ELAVL2: variants seen among roughly 807,000 people sequenced by gnomAD.
The protein encoded by ELAVL2 is ELAV-like protein 2.
ELAVL2 carries 4 observed loss-of-function variants against 34.6 expected under a neutral mutation model. That is an observed-to-expected ratio of 0.12 (90% CI 0.06 to 0.26). The LOEUF (loss-of-function observed/expected upper bound fraction) is 0.26, where lower values mean the gene tolerates loss of function less well. Among genes scored for constraint, ELAVL2 ranks in the 10% least tolerant of loss-of-function variants. The pLI is 1.00. For synonymous variants in ELAVL2, 193 were observed against 154.8 expected, an observed-to-expected ratio of 1.25 and a Z score of -1.83; for missense variants, 432 against 442.8, an observed-to-expected ratio of 0.98 and a Z score of 0.22.
intron 1 of ELAVL2, among the ~76,000 whole-genome samples, chr9:23,808,116 T>A (rs970705084): frequency 6.6e-6 from 1 of 152,128 alleles, no homozygotes; most frequent in Non-Finnish European, 1.5e-5. Context: ...CCTCTGTCTA[T>A]CCTTATGCCT....
chr9:23,702,967 A>ACAACAAC (rs1386551389), intron 4 of ELAVL2, among the ~76,000 whole-genome samples: 1 of 143,550 alleles, frequency 7.0e-6, no homozygotes, highest in Admixed American at 6.9e-5. Context: ...AAAAAAAAAA[A>ACAACAAC]AAAAAAAAAA....
intron 2 of ELAVL2, among the ~76,000 whole-genome samples, chr9:23,753,772 C>G (rs911987458): frequency 1.3e-5 from 2 of 152,150 alleles, no homozygotes; most frequent in Admixed American, 1.3e-4. Flanking sequence ...TAAACAAAGA[C>G]TACCCCCCAG....
intron 1 of ELAVL2, among the ~76,000 whole-genome samples, chr9:23,814,938 C>G (rs898874946): frequency 6.6e-6 from 1 of 151,190 alleles, no homozygotes; most frequent in African/African-American, 2.4e-5. Flanking sequence ...CTGATATACA[C>G]AAATGATGCC....
intron 1 of ELAVL2, among the ~76,000 whole-genome samples, chr9:23,797,314 TATC>T (rs1314700383): frequency 1.3e-5 from 2 of 152,222 alleles, no homozygotes; most frequent in African/African-American, 4.8e-5. Context: ...GCTTTCTAAA[TATC>T]ATTAAACTGA....
At chr9:23,799,821 C>A (rs1302107943) in intron 1 of ELAVL2, among the ~76,000 whole-genome samples, 1 of 152,158 alleles carries the variant, frequency 6.6e-6, no homozygotes, top group East Asian at 1.9e-4. Flanking sequence ...CCTGAAAGGG[C>A]TCTATTTACC....
At chr9:23,764,896 G>A (rs746715712) in intron 1 of ELAVL2, 8 of 1,090,696 alleles carry the variant, frequency 7.3e-6, no homozygotes, top group South Asian at 2.8e-5. Flanking sequence ...TAGGTTAAAT[G>A]TAAGAATAAT....
the ELAVL2 span, among the ~76,000 whole-genome samples, chr9:23,842,220 CA>C: frequency 6.6e-6 from 1 of 152,154 alleles, no homozygotes; most frequent in East Asian, 1.9e-4. Context: ...TGCATTCTCA[CA>C]GCTGGAAGCT....
intron 3 of ELAVL2, among the ~76,000 whole-genome samples, chr9:23,713,558 C>T (rs889580134): frequency 1.3e-5 from 2 of 152,082 alleles, no homozygotes; most frequent in Non-Finnish European, 2.9e-5. Context: ...GAGTCTATTC[C>T]TACCGGTAGC....
At chr9:23,744,212 A>G (rs564610161) in intron 2 of ELAVL2, among the ~76,000 whole-genome samples, 18 of 152,280 alleles carry the variant, frequency 1.2e-4, no homozygotes, top group African/African-American at 4.3e-4. Flanking sequence ...CTCCACCTTA[A>G]GTTTCACAAA....
intron 1 of ELAVL2, among the ~76,000 whole-genome samples, chr9:23,768,203 A>G (rs889629269): frequency 2.0e-5 from 3 of 152,190 alleles, no homozygotes; most frequent in Non-Finnish European, 4.4e-5. Context: ...CAGCCCACTT[A>G]TTCAAGCACC....
intron 1 of ELAVL2, among the ~76,000 whole-genome samples, chr9:23,783,700 T>C (rs1451163670): frequency 6.6e-6 from 1 of 151,970 alleles, no homozygotes; most frequent in Non-Finnish European, 1.5e-5. Context: ...TCCCACTTAC[T>C]GTCTAAGCAA....
chr9:23,776,739 CAAAAAAAAAAAA>C (rs34583759), intron 1 of ELAVL2, among the ~76,000 whole-genome samples: 3 of 77,708 alleles, frequency 3.9e-5, no homozygotes, highest in South Asian at 4.8e-4. Context: ...AGTTTGCTAT[CAAAAAAAAAAAA>C]AAAAAAAAAA....
At chr9:23,728,503 A>G (rs1444038564) in intron 3 of ELAVL2, among the ~76,000 whole-genome samples, 2 of 152,114 alleles carry the variant, frequency 1.3e-5, no homozygotes, top group Non-Finnish European at 2.9e-5. Flanking sequence ...CAGCCAGATG[A>G]TAGGGTAAAA....
chr9:23,699,837 T>A (rs1308740792), intron 5 of ELAVL2, among the ~76,000 whole-genome samples: 2 of 71,904 alleles, frequency 2.8e-5, no homozygotes, highest in African/African-American at 1.1e-4. Context: ...TTTTTTTTTT[T>A]TTTTTTTTTT....
At position 23,739,786 on chromosome 9, in the gene ELAVL2, C is replaced by T. The variant is rs957663861; in HGVS notation, c.230-8661G>A. ...AAACATGCACTCTTGCCTGTGCCTGCACACACACACGCACACACCCCCCCC... is the reference window on the plus strand; with the variant it reads ...AAACATGCACTCTTGCCTGTGCCTGTACACACACACGCACACACCCCCCCC... On this transcript the variant is annotated intron_variant, in intron 2 of 6. Coordinates refer to ENST00000397312, the MANE Select transcript of ELAVL2 (RefSeq NM_004432.5). Among the ~76,000 whole-genome samples, 23 of 98,546 alleles carry T rather than the reference C, an allele frequency of 2.3e-4. 1 individual carries two copies. The highest frequency in any genetic ancestry group is 7.0e-4 in the African/African-American group (22 of 31,506). The allele number at this position is 98,546 out of a possible 152,430, so 64.7% of individuals were successfully genotyped here. A position where few individuals can be genotyped will look rare whatever the true frequency, so the allele number is the denominator to read the frequency against.
In ELAVL2 at chr9:23,751,717, T is replaced by C. The variant is rs537061361; in HGVS notation, c.229+10289A>G. On this transcript the variant is annotated intron_variant, in intron 2 of 6. Transcript: ENST00000397312. ...ATCTAACCAACACTTCATGGCTCAA[T>C]TTAACAACTTGCTGACCTTCGAAAG... Among the ~76,000 whole-genome samples the C allele has an allele frequency of 4.0e-4, 61 of 152,312 alleles. No homozygotes were observed. In the South Asian group the frequency reaches 0.012, roughly 31 times the overall value.
intron 2 of ELAVL2, chr9:23,735,125 A>AAAAAAAAAAAAAAAAC (rs2047547515): frequency 6.7e-6 from 1 of 148,230 alleles, no homozygotes; most frequent in Non-Finnish European, 1.5e-5. Context: ...AAAAAAAAAA[A>AAAAAAAAAAAAAAAAC]AAGCCCTTAA....
chr9:23,710,725 G>C (rs1298752549), intron 3 of ELAVL2, among the ~76,000 whole-genome samples: 2 of 152,156 alleles, frequency 1.3e-5, no homozygotes, highest in Non-Finnish European at 2.9e-5. Flanking sequence ...GTTAATTGCT[G>C]TTCATATTTT....
chr9:23,843,666 C>T, the ELAVL2 span, among the ~76,000 whole-genome samples: 1 of 151,916 alleles, frequency 6.6e-6, no homozygotes, highest in African/African-American at 2.4e-5. Flanking sequence ...CTCTTTCTTA[C>T]ACCCCCCTTT....
Sources: allele counts gnomAD v4.1 joint callset (sites outside exome capture counted in the v4.1 genomes callset), GRCh38; gene constraint gnomAD v4.1.1; transcripts MANE v1.5; gene names NCBI Gene and HGNC (gene_info 2026-07-23, HGNC 2026-07-21).